The following FAM178B variants were observed in gnomAD, a reference collection of about 807,000 sequenced individuals.
FAM178B encodes the protein family with sequence similarity 178 member B.
A neutral mutation model predicts 91.7 loss-of-function variants in FAM178B; 82 were observed. That is an observed-to-expected ratio of 0.89 (90% confidence interval 0.75 to 1.07). The LOEUF (loss-of-function observed/expected upper bound fraction) is 1.07, where lower values mean the gene tolerates loss of function less well. FAM178B is among the 50% of genes least tolerant of loss of function. The pLI is 0.00. For synonymous variants in FAM178B, 368 were observed against 359.4 expected, an observed-to-expected ratio of 1.02 and a Z score of -0.27; for missense variants, 769 against 846.7, an observed-to-expected ratio of 0.91 and a Z score of 1.14.
Position 96,947,859 on chromosome 2 carries a change from AG to A in FAM178B, c.1036del (p.Leu346PhefsTer61), listed in dbSNP as rs1044217395. ...PPETSLGAFG[L>X]LWDLIVDGIF... ...TCCATCCACAATGAGATCCCACAGAAGACCAAAGGCTCCCAAAGATGTTTCT... is the reference window on the plus strand; with the variant it reads ...TCCATCCACAATGAGATCCCACAGAAACCAAAGGCTCCCAAAGATGTTTCT... On this transcript the variant is annotated frameshift_variant, in exon 8 of 17. Coordinates refer to ENST00000490605, the MANE Select transcript of FAM178B (RefSeq NM_001122646.3). LOFTEE classifies it high-confidence loss of function. 16 of 1,549,604 alleles carry A rather than the reference AG, an allele frequency of 1.0e-5. No individual in the cohort carries two copies. In the Admixed American group the frequency reaches 2.9e-4, roughly 29 times the overall value.
At chr2:96,911,838 C>T (rs573517132) in intron 12 of FAM178B, among the ~76,000 whole-genome samples, 1 of 152,250 alleles carries the variant, frequency 6.6e-6, no homozygotes, top group East Asian at 1.9e-4. Flanking sequence ...ACTCATGGAG[C>T]CATGGAAGAC....
intron 13 of FAM178B, among the ~76,000 whole-genome samples, chr2:96,894,427 C>T (rs186552734): frequency 0.01 from 1,252 of 120,500 alleles, 83 homozygotes; most frequent in Admixed American, 0.093. Context: ...CACTCACCCA[C>T]GTACACACAG....
chr2:96,897,927 A>G (rs2080854452), intron 13 of FAM178B: 3 of 984,366 alleles, frequency 3.0e-6, no homozygotes, highest in South Asian at 4.7e-5. Flanking sequence ...TGTGACCTCA[A>G]TGCTGTAAGT....
chr2:96,937,521 C>T (rs983308284), intron 8 of FAM178B, among the ~76,000 whole-genome samples: 1 of 152,156 alleles, frequency 6.6e-6, no homozygotes, highest in Admixed American at 6.5e-5. Flanking sequence ...GCTCAGTAGC[C>T]CAGGGGCTCT....
chr2:96,928,677 A>G (rs2081488850), intron 9 of FAM178B, among the ~76,000 whole-genome samples: 1 of 152,162 alleles, frequency 6.6e-6, no homozygotes, highest in African/African-American at 2.4e-5. Context: ...GCGGGGGCTG[A>G]GTCAGGAAGT....
intron 4 of FAM178B, among the ~76,000 whole-genome samples, chr2:96,970,204 G>A (rs1265299035): frequency 1.3e-5 from 2 of 152,202 alleles, no homozygotes; most frequent in African/African-American, 4.8e-5. Context: ...ACTTATGGCA[G>A]ACAGGGAGAG....
At chr2:96,936,280 T>C (rs769869704) in intron 8 of FAM178B, among the ~76,000 whole-genome samples, 28 of 152,034 alleles carry the variant, frequency 1.8e-4, no homozygotes, top group Middle Eastern at 6.8e-3. Context: ...CTGCTCACTG[T>C]AAGCTCCACC....
At chr2:96,930,093 C>T (rs2081513554) in intron 8 of FAM178B, among the ~76,000 whole-genome samples, 1 of 151,740 alleles carries the variant, frequency 6.6e-6, no homozygotes, top group Admixed American at 6.6e-5. Flanking sequence ...CGGCATGAGC[C>T]TGTAGTCCCA....
intron 7 of FAM178B, among the ~76,000 whole-genome samples, chr2:96,949,187 A>AGT (rs1000395638): frequency 2.0e-5 from 3 of 152,138 alleles, no homozygotes; most frequent in African/African-American, 7.2e-5. Context: ...CCCAGGGAGG[A>AGT]GTACACGGGA....
rs948689350 is a variant in FAM178B at position 96,960,347 on chromosome 2, T to C, written c.828A>G (p.Pro276=). 5 of 1,551,600 alleles carry C rather than the reference T, an allele frequency of 3.2e-6. No individual in the cohort carries two copies. The African/African-American group carries it at 4.1e-5, about 13-fold the overall frequency. The change falls in exon 6 of 17, where the codon CCA becomes CCG. Residue 276 remains proline (P), a synonymous_variant. Coordinates refer to ENST00000490605, the MANE Select transcript of FAM178B (RefSeq NM_001122646.3). Reference sequence around the variant, plus strand: ...TCAGGAGTGAGGAGTCCAGGATGCATGGCAGGGGGTGACACCTGGGCAGAA... The same window carrying C: ...TCAGGAGTGAGGAGTCCAGGATGCACGGCAGGGGGTGACACCTGGGCAGAA... ...TVFLPRCHPL[P]CILDSSLLKP... is the part of the protein sequence containing the mutation.
chr2:96,880,924 G>A (rs2080366561), intron 14 of FAM178B, among the ~76,000 whole-genome samples: 1 of 152,082 alleles, frequency 6.6e-6, no homozygotes, highest in Admixed American at 6.6e-5. Flanking sequence ...TACTGCCAAC[G>A]GTAATTGGCT....
At chr2:96,964,666 A>G (rs1187998726) in intron 5 of FAM178B, among the ~76,000 whole-genome samples, 2 of 149,062 alleles carry the variant, frequency 1.3e-5, no homozygotes, top group Non-Finnish European at 1.5e-5. Context: ...GAAAAGCCAG[A>G]AAGAAACCAC....
At chr2:96,933,687 A>G (rs929314574) in intron 8 of FAM178B, among the ~76,000 whole-genome samples, 2 of 152,076 alleles carry the variant, frequency 1.3e-5, no homozygotes, top group African/African-American at 4.8e-5. Flanking sequence ...CCCAAATCAA[A>G]CAGCTAATGA....
At chr2:96,897,876 G>A (rs753391534) in intron 13 of FAM178B, 256 of 834,378 alleles carry the variant, frequency 3.1e-4, no homozygotes, top group Non-Finnish European at 3.6e-4. Context: ...AACCCTCACC[G>A]TAGCCTTGAG....
At chr2:96,935,583 A>C (rs898762260) in intron 8 of FAM178B, among the ~76,000 whole-genome samples, 1 of 151,648 alleles carries the variant, frequency 6.6e-6, no homozygotes, top group Non-Finnish European at 1.5e-5. Context: ...GTTTCCCAGT[A>C]ATGTCCCTAA....
At position 96,876,007 on chromosome 2, in the gene FAM178B, G is replaced by A. The variant is rs1180198720; in HGVS notation, c.*269C>T. 9.4e-6 allele frequency: 5 copies of A among 533,744 alleles called. No individual in the cohort carries two copies. The highest frequency in any genetic ancestry group is 7.7e-5 in the African/African-American group (4 of 52,024). The allele number at this position is 533,744 out of a possible 1,614,324, so 33.1% of individuals were successfully genotyped here. On this transcript the variant is annotated 3_prime_UTR_variant, in exon 17 of 17. Transcript: ENST00000490605. ...GAGCTATGGAGACAGAGGCCTTAGG[G>A]AAGAGGAGATGGCTGGGAGGAGGGC...
chr2:96,889,289 A>G (rs2080607072), intron 14 of FAM178B, among the ~76,000 whole-genome samples: 1 of 152,074 alleles, frequency 6.6e-6, no homozygotes, highest in Non-Finnish European at 1.5e-5. Flanking sequence ...AATTTAACCA[A>G]CCGGGAGAAA....
chr2:96,916,167 G>A (rs576450709), intron 12 of FAM178B, among the ~76,000 whole-genome samples: 3 of 152,276 alleles, frequency 2.0e-5, no homozygotes, highest in East Asian at 1.9e-4. Context: ...GCTTTTTGAA[G>A]GGTGTGCACA....
At chr2:96,946,720 A>C (rs2081835206) in intron 8 of FAM178B, among the ~76,000 whole-genome samples, 1 of 152,234 alleles carries the variant, frequency 6.6e-6, no homozygotes, top group Non-Finnish European at 1.5e-5. Flanking sequence ...GGAGCAGGAC[A>C]AGGGAAGCCT....
Sources: allele counts gnomAD v4.1 joint callset (sites outside exome capture counted in the v4.1 genomes callset), GRCh38; gene constraint gnomAD v4.1.1; transcripts MANE v1.5; gene names NCBI Gene and HGNC (gene_info 2026-07-23, HGNC 2026-07-21).